The following FBXW7 variants were observed in gnomAD, a reference collection of about 807,000 sequenced individuals.
FBXW7 encodes the protein F-box/WD repeat-containing protein 7.
A neutral mutation model predicts 86.3 loss-of-function variants in FBXW7; 11 were observed. The observed-to-expected ratio is 0.13, with a 90% CI of 0.08 to 0.21. The LOEUF (loss-of-function observed/expected upper bound fraction) is 0.21, where lower values mean the gene tolerates loss of function less well. Among genes scored for constraint, FBXW7 ranks in the 10% least tolerant of loss-of-function variants. FBXW7 has a pLI of 1.00. For missense variants in FBXW7, 488 were observed against 847.4 expected, an observed-to-expected ratio of 0.58 and a Z score of 5.27; for synonymous variants, 313 against 297.9, an observed-to-expected ratio of 1.05 and a Z score of -0.52.
At chr4:152,351,462 T>G (rs910783777) in intron 4 of FBXW7, among the ~76,000 whole-genome samples, 1 of 152,110 alleles carries the variant, frequency 6.6e-6, no homozygotes, top group Non-Finnish European at 1.5e-5. Context: ...ATATACTCAT[T>G]ACATTGTTTT....
At chr4:152,516,775 CCACCAAGTAGGCACACAAACAATACTG>C (rs1748536204) in intron 2 of FBXW7, among the ~76,000 whole-genome samples, 1 of 152,152 alleles carries the variant, frequency 6.6e-6, no homozygotes, top group African/African-American at 2.4e-5. Context: ...TTTATTTCTT[CCACCAAGTAGGCACACAAACAATACTG>C]TAAACTTAGT....
chr4:152,495,598 G>C (rs1171852783), intron 2 of FBXW7, among the ~76,000 whole-genome samples: 1 of 152,142 alleles, frequency 6.6e-6, no homozygotes, highest in Non-Finnish European at 1.5e-5. Flanking sequence ...TGGGTTGCTA[G>C]TCTTAACCTA....
At chr4:152,463,941 A>G (rs986388689) in intron 2 of FBXW7, among the ~76,000 whole-genome samples, 6 of 152,258 alleles carry the variant, frequency 3.9e-5, no homozygotes, top group African/African-American at 1.4e-4. Flanking sequence ...GGTTTATTAC[A>G]GAAGACAAAG....
intron 2 of FBXW7, among the ~76,000 whole-genome samples, chr4:152,419,377 T>C (rs988434689): frequency 6.6e-6 from 1 of 151,940 alleles, no homozygotes; most frequent in Non-Finnish European, 1.5e-5. Flanking sequence ...CAAGAAAAAG[T>C]GATTTAAACA....
intron 2 of FBXW7, among the ~76,000 whole-genome samples, chr4:152,528,299 T>C (rs1303877723): frequency 1.3e-5 from 2 of 152,174 alleles, no homozygotes; most frequent in African/African-American, 4.8e-5. Flanking sequence ...AACTGCACAG[T>C]ATCTGACTGA....
intron 6 of FBXW7, among the ~76,000 whole-genome samples, chr4:152,338,989 T>C (rs1730442100): frequency 6.6e-6 from 1 of 152,118 alleles, no homozygotes; most frequent in African/African-American, 2.4e-5. Context: ...TATATAATAA[T>C]TGACAACAGA....
At chr4:152,492,909 T>C (rs1030548206) in intron 2 of FBXW7, among the ~76,000 whole-genome samples, 1 of 151,926 alleles carries the variant, frequency 6.6e-6, no homozygotes, top group African/African-American at 2.4e-5. Context: ...CATTATTAAA[T>C]AGGTCTGAAA....
intron 8 of FBXW7, 92 bp downstream of exon 8, chr4:152,332,504 G>A: frequency 2.4e-6 from 3 of 1,235,468 alleles, no homozygotes; most frequent in Non-Finnish European, 3.2e-6. Context: ...ATCATAAGTA[G>A]CTGAATATTA....
At chr4:152,364,321 C>T (rs1230085398) in intron 4 of FBXW7, among the ~76,000 whole-genome samples, 1 of 152,020 alleles carries the variant, frequency 6.6e-6, no homozygotes, top group Admixed American at 6.6e-5. Context: ...CTTTATTTCC[C>T]TAAAATATGA....
At chr4:152,510,282 C>CA (rs1248812445) in intron 2 of FBXW7, among the ~76,000 whole-genome samples, 2 of 152,140 alleles carry the variant, frequency 1.3e-5, no homozygotes, top group Non-Finnish European at 2.9e-5. Context: ...AAAGTTATGT[C>CA]AGTATATCTG....
At chr4:152,418,497 G>A (rs899363241) in intron 2 of FBXW7, among the ~76,000 whole-genome samples, 1 of 152,148 alleles carries the variant, frequency 6.6e-6, no homozygotes, top group Admixed American at 6.5e-5. Flanking sequence ...ATCACCTGGA[G>A]GAGCTGCAGA....
intron 4 of FBXW7, among the ~76,000 whole-genome samples, chr4:152,403,449 G>A (rs1737122166): frequency 6.7e-6 from 1 of 150,346 alleles, no homozygotes; most frequent in Admixed American, 6.6e-5. Context: ...CTGCACTCCA[G>A]CCTGGGCAAC....
At position 152,366,604 on chromosome 4, in the gene FBXW7, T is replaced by C. The variant is rs1464045423; in HGVS notation, c.502-16480A>G. ...AGATACCATCTCACACCAGTTAGAA[T>C]GGCGATCATTAAAAAGTCAGGAAAC... On this transcript the variant is annotated intron_variant, in intron 4 of 13. Coordinates refer to ENST00000281708, the MANE Select transcript of FBXW7 (RefSeq NM_001349798.2). Among the ~76,000 whole-genome samples, 8 of 152,148 alleles carry C rather than the reference T, an allele frequency of 5.3e-5. No homozygotes were observed. The South Asian group carries it at 1.0e-3, about 20-fold the overall frequency.
chr4:152,530,766 C>G (rs1433201625), intron 2 of FBXW7: 5 of 152,144 alleles, frequency 3.3e-5, no homozygotes, highest in African/African-American at 7.2e-5. Context: ...TTGTCTATAC[C>G]AGGAGTCCAA....
At chr4:152,395,099 C>T (rs755409224) in intron 4 of FBXW7, among the ~76,000 whole-genome samples, 14 of 151,916 alleles carry the variant, frequency 9.2e-5, no homozygotes, top group Non-Finnish European at 1.3e-4. Flanking sequence ...CTCAGTACAT[C>T]GTCAATTTTA....
chr4:152,518,993 T>C (rs1055375438), intron 2 of FBXW7, among the ~76,000 whole-genome samples: 2 of 151,890 alleles, frequency 1.3e-5, no homozygotes, highest in African/African-American at 2.4e-5. Context: ...CAAACAAAAA[T>C]AGTTTAAGAA....
chr4:152,373,773 T>C (rs997629659), intron 4 of FBXW7, among the ~76,000 whole-genome samples: 3 of 152,074 alleles, frequency 2.0e-5, no homozygotes, highest in African/African-American at 7.2e-5. Context: ...TTTTGTACTA[T>C]AATGGTTTGT....
At chr4:152,434,360 G>A (rs1249375956) in intron 2 of FBXW7, among the ~76,000 whole-genome samples, 1 of 152,182 alleles carries the variant, frequency 6.6e-6, no homozygotes. Flanking sequence ...TAAAGTAGAA[G>A]TAGTTTTTGC....
chr4:152,383,235 G>A (rs2126784051), intron 4 of FBXW7, among the ~76,000 whole-genome samples: 1 of 152,232 alleles, frequency 6.6e-6, no homozygotes, highest in Admixed American at 6.6e-5. Flanking sequence ...TAACTAGCCA[G>A]TCCATTGCAA....
Sources: gnomAD v4.1 joint callset for allele counts (sites outside exome capture counted in the v4.1 genomes callset) on GRCh38, gnomAD v4.1.1 for gene constraint, MANE v1.5 for transcripts, NCBI Gene and HGNC (gene_info 2026-07-23, HGNC 2026-07-21) for gene names.